GSK3B: variants seen among roughly 807,000 people sequenced by gnomAD.
GSK3B encodes glycogen synthase kinase-3 beta.
A neutral mutation model predicts 56.4 loss-of-function variants in GSK3B; 15 were observed. The observed-to-expected ratio is 0.27, with a 90% CI of 0.18 to 0.41. The LOEUF is 0.41. Among genes scored for constraint, GSK3B ranks in the 10% least tolerant of loss-of-function variants. The pLI is 1.00. For synonymous variants in GSK3B, 181 were observed against 188.9 expected, an observed-to-expected ratio of 0.96 and a Z score of 0.34; for missense variants, 300 against 513.4, an observed-to-expected ratio of 0.58 and a Z score of 4.02.
chr3:120,064,960 A>C (rs942006618), intron 1 of GSK3B, among the ~76,000 whole-genome samples: 1 of 152,222 alleles, frequency 6.6e-6, no homozygotes, highest in African/African-American at 2.4e-5. Context: ...CTTACTCCAT[A>C]TACTAAAATT....
At chr3:119,935,254 G>A (rs1276705825) in intron 3 of GSK3B, among the ~76,000 whole-genome samples, 8 of 152,004 alleles carry the variant, frequency 5.3e-5, no homozygotes, top group East Asian at 3.8e-4. Flanking sequence ...TAGACCAAGC[G>A]AACTTAGATA....
chr3:120,045,031 G>T (rs975263852), intron 1 of GSK3B, among the ~76,000 whole-genome samples: 2 of 152,116 alleles, frequency 1.3e-5, no homozygotes, highest in African/African-American at 4.8e-5. Context: ...TGTAATACTT[G>T]TACTCATTCT....
At chr3:120,009,166 T>C (rs981351020) in intron 1 of GSK3B, among the ~76,000 whole-genome samples, 1 of 152,114 alleles carries the variant, frequency 6.6e-6, no homozygotes, top group African/African-American at 2.4e-5. Context: ...ATAGCGATCA[T>C]TAAAAAGTCA....
chr3:119,904,384 G>A (rs1233970692), intron 7 of GSK3B, among the ~76,000 whole-genome samples: 1 of 152,094 alleles, frequency 6.6e-6, no homozygotes, highest in Non-Finnish European at 1.5e-5. Flanking sequence ...GTTAACAAGT[G>A]TAAAAGATTA....
intron 1 of GSK3B, among the ~76,000 whole-genome samples, chr3:120,083,505 T>G (rs2058439255): frequency 6.6e-6 from 1 of 151,916 alleles, no homozygotes; most frequent in Non-Finnish European, 1.5e-5. Context: ...ACAAACAGTA[T>G]TTAAAAAAAA....
chr3:119,942,709 T>A (rs2057061912), intron 3 of GSK3B, among the ~76,000 whole-genome samples: 1 of 152,208 alleles, frequency 6.6e-6, no homozygotes, highest in Non-Finnish European at 1.5e-5. Flanking sequence ...GCTTTTCATA[T>A]GTTCTATCAG....
At chr3:119,875,498 G>GACACAC (rs66880409) in intron 8 of GSK3B, among the ~76,000 whole-genome samples, 31 of 145,008 alleles carry the variant, frequency 2.1e-4, no homozygotes, top group African/African-American at 2.9e-4. Flanking sequence ...GGTAACCCGT[G>GACACAC]ACACACACAC....
chr3:119,853,281 T>C (rs980081067), intron 9 of GSK3B, among the ~76,000 whole-genome samples: 1 of 152,208 alleles, frequency 6.6e-6, no homozygotes, highest in African/African-American at 2.4e-5. Flanking sequence ...CATTGGTCTA[T>C]ATCTCTGTTT....
At chr3:119,905,451 A>G (rs551479057) in intron 7 of GSK3B, among the ~76,000 whole-genome samples, 3 of 152,266 alleles carry the variant, frequency 2.0e-5, no homozygotes, top group Non-Finnish European at 4.4e-5. Flanking sequence ...TTCAGCTTAC[A>G]TACATTTTAG....
At chr3:119,941,095 A>C (rs1179575244) in intron 3 of GSK3B, among the ~76,000 whole-genome samples, 2 of 148,928 alleles carry the variant, frequency 1.3e-5, no homozygotes, top group East Asian at 3.9e-4. Flanking sequence ...GGCTCACTGC[A>C]ACCTCTGCCT....
intron 7 of GSK3B, among the ~76,000 whole-genome samples, chr3:119,878,882 T>C (rs2056345920): frequency 6.6e-6 from 1 of 152,202 alleles, no homozygotes; most frequent in Non-Finnish European, 1.5e-5. Context: ...GTAAATTTTC[T>C]ATCTATAGTG....
chr3:120,030,792 C>T lies in GSK3B; in HGVS notation c.89-28553G>A, dbSNP rs191374057. Among the ~76,000 whole-genome samples, 3 of 152,338 alleles carry T rather than the reference C, an allele frequency of 2.0e-5. No homozygotes were observed. The East Asian group carries it at 5.8e-4, about 29-fold the overall frequency. On this transcript the variant is annotated intron_variant, in intron 1 of 10. Coordinates refer to ENST00000264235, the MANE Select transcript of GSK3B (RefSeq NM_001146156.2). The stretch of plus-strand genomic sequence containing the variant: ...TAACCAGTTCTTTTCCTTCAAAGCA[C>T]TTAATCACAATTTTTAAATAAGTAA...
At chr3:120,049,464 T>C (rs542818309) in intron 1 of GSK3B, among the ~76,000 whole-genome samples, 1 of 152,268 alleles carries the variant, frequency 6.6e-6, no homozygotes, top group South Asian at 2.1e-4. Context: ...CCTGGGAAGG[T>C]AGCATCTGTA....
At chr3:119,981,560 C>A (rs761419471) in intron 2 of GSK3B, among the ~76,000 whole-genome samples, 3 of 152,268 alleles carry the variant, frequency 2.0e-5, no homozygotes, top group Non-Finnish European at 4.4e-5. Context: ...CCTGGCTCGG[C>A]GGGTCCCACG....
intron 8 of GSK3B, among the ~76,000 whole-genome samples, chr3:119,866,376 C>T (rs902304585): frequency 3.3e-5 from 5 of 152,126 alleles, no homozygotes; most frequent in African/African-American, 1.2e-4. Flanking sequence ...AAACTTCAGC[C>T]TAGATGTCAA....
At chr3:120,014,972 A>T (rs1453154126) in intron 1 of GSK3B, among the ~76,000 whole-genome samples, 2 of 152,202 alleles carry the variant, frequency 1.3e-5, no homozygotes, top group Non-Finnish European at 1.5e-5. Context: ...GAATCATAAC[A>T]TCCCCTTCTT....
chr3:120,042,590 C>T (rs1164081029), intron 1 of GSK3B, among the ~76,000 whole-genome samples: 1 of 152,128 alleles, frequency 6.6e-6, no homozygotes, highest in Non-Finnish European at 1.5e-5. Context: ...CAATAGATCA[C>T]CTCACTCACT....
At chr3:120,020,279 T>A (rs973302020) in intron 1 of GSK3B, among the ~76,000 whole-genome samples, 2 of 152,238 alleles carry the variant, frequency 1.3e-5, no homozygotes, top group African/African-American at 4.8e-5. Flanking sequence ...TTAGTAATGA[T>A]GCTGTTTATA....
At chr3:120,029,889 G>A in intron 1 of GSK3B, 1 of 548,310 alleles carries the variant, frequency 1.8e-6, no homozygotes, top group Non-Finnish European at 3.7e-6. Context: ...GGACAGTACT[G>A]GTGTATCTGG....
Sources: allele counts gnomAD v4.1 joint callset (sites outside exome capture counted in the v4.1 genomes callset), GRCh38; gene constraint gnomAD v4.1.1; transcripts MANE v1.5; gene names NCBI Gene and HGNC (gene_info 2026-07-23, HGNC 2026-07-21).